The following FN3K variants were observed in gnomAD, a reference collection of about 807,000 sequenced individuals.
The protein encoded by FN3K is fructosamine-3-kinase.
In FN3K, 24 loss-of-function variants were observed where a neutral mutation model predicts 24.8. The observed-to-expected ratio is 0.97, with a 90% CI of 0.70 to 1.36. The LOEUF is 1.36. Among genes scored for constraint, FN3K ranks in the 40% most tolerant of loss-of-function variants. The pLI is 0.00. For synonymous variants in FN3K, 192 were observed against 175.2 expected (o/e 1.10, Z -0.76); for missense variants, 449 against 416.7 (o/e 1.08, Z -0.67).
At position 82,735,790 on chromosome 17, in the gene FN3K, G is replaced by C; in HGVS notation, c.141+13G>C. The C allele has an allele frequency of 1.3e-6, 2 of 1,555,186 alleles. No individual in the cohort carries two copies. Among genetic ancestry groups the C allele is most frequent in the African/African-American group, 1.4e-5 (1 of 73,860 alleles). The stretch of plus-strand genomic sequence containing the variant: ...CCGCAGGACGCAGGTGCTGGCCCGT[G>C]CGCAGGCGGGGGCTCTGCGGGTCTC... On this transcript the variant is annotated intron_variant, in intron 1 of 5. Transcript: ENST00000300784.
chr17:82,749,962 G>A (rs182920903), intron 5 of FN3K: 1 of 207,046 alleles, frequency 4.8e-6, no homozygotes, highest in East Asian at 1.3e-4. Context: ...GTAGGCTGAG[G>A]CAGGAGAATC....
intron 2 of FN3K, among the ~76,000 whole-genome samples, chr17:82,740,063 G>A (rs1437689391): frequency 6.6e-6 from 1 of 151,786 alleles, no homozygotes; most frequent in Non-Finnish European, 1.5e-5. Flanking sequence ...CACCATGCCT[G>A]GCTAATTTTT....
intron 4 of FN3K, among the ~76,000 whole-genome samples, chr17:82,746,399 A>T (rs1048209513): frequency 1.2e-4 from 18 of 150,492 alleles, no homozygotes; most frequent in Non-Finnish European, 2.1e-4. Context: ...TTTTTTTTTT[A>T]TTATTGAGTT....
chr17:82,750,473 G>T lies in FN3K; in HGVS notation c.648G>T (p.Gly216=), dbSNP rs768766566. Residue 216 remains glycine, a synonymous_variant, in exon 6 of 6, where the codon GGG becomes GGT. Transcript: ENST00000300784. ...AGATTGTCCCCGCGTTGCTCCACGG[G>T]GATCTCTGGTCGGGAAACGTGGCTG... ...GLEIVPALLH[G]DLWSGNVAED... 1.5e-5 allele frequency: 24 copies of T among 1,614,178 alleles called. No homozygotes were observed. Among genetic ancestry groups the T allele is most frequent in the Non-Finnish European group, 1.5e-5 (18 of 1,180,036 alleles).
intron 1 of FN3K, among the ~76,000 whole-genome samples, chr17:82,737,530 G>A (rs62076520): frequency 0.29 from 44,311 of 151,986 alleles, 7,351 homozygotes; most frequent in Admixed American, 0.37. Flanking sequence ...CACCGTGTTA[G>A]CCAGGATGGT....
At chr17:82,740,197 C>G (rs568549652) in intron 2 of FN3K, among the ~76,000 whole-genome samples, 89 of 152,290 alleles carry the variant, frequency 5.8e-4, no homozygotes, top group Admixed American at 1.7e-3. Context: ...CACTGTGCCA[C>G]TATGCTTGGC....
intron 1 of FN3K, chr17:82,738,185 C>T (rs2046915949): frequency 2.7e-6 from 1 of 371,310 alleles, no homozygotes; most frequent in South Asian, 3.3e-5. Context: ...GGTTCACTCA[C>T]ACCTCCCCAC....
chr17:82,741,752 G>C (rs2046942159), intron 4 of FN3K, among the ~76,000 whole-genome samples: 1 of 152,180 alleles, frequency 6.6e-6, no homozygotes, highest in African/African-American at 2.4e-5. Context: ...CTCTCCTGAG[G>C]CCTTTACAAA....
chr17:82,750,560 A>G lies in FN3K; in HGVS notation c.735A>G (p.Glu245=). 6 of 1,614,080 alleles carry G rather than the reference A, an allele frequency of 3.7e-6. No individual in the cohort carries two copies. The highest frequency in any genetic ancestry group is 5.1e-6 in the Non-Finnish European group (6 of 1,180,006). ...CCTTCTATGGCCATTCCGAGTTTGA[A>G]CTGGCAATCGCCTTGATGTTTGGGG... is the stretch of plus-strand genomic sequence containing the variant. ...PASFYGHSEF[E]LAIALMFGGF... The change falls in exon 6 of 6, where the codon GAA becomes GAG. Residue 245 remains glutamate (E), a synonymous_variant. Transcript: ENST00000300784.
At position 82,750,818 on chromosome 17, in the gene FN3K, CGTCCCCCGTCCCTGTGCCCCCGTCCCT is replaced by C; in HGVS notation, c.*71_*97del. Reference sequence around the variant, plus strand: ...CTCCGTCTCCCCGTCCCTGTCCCCCCGTCCCCCGTCCCTGTGCCCCCGTCCCTGTCCCCCTGTTCCCGTCTCCCCGTC... The same window carrying C: ...CTCCGTCTCCCCGTCCCTGTCCCCCCGTCCCCCTGTTCCCGTCTCCCCGTC... On this transcript the variant is annotated 3_prime_UTR_variant, in exon 6 of 6. Transcript: ENST00000300784. The C allele has an allele frequency of 7.5e-7, 1 of 1,335,724 alleles. No individual in the cohort carries two copies. Among genetic ancestry groups the C allele is most frequent in the East Asian group, 2.5e-5 (1 of 40,046 alleles). 82.7% of individuals were successfully genotyped at this position (1,335,724 alleles called of 1,614,324 possible).
chr17:82,735,908 A>G, intron 1 of FN3K, 131 bp downstream of exon 1: 1 of 1,233,456 alleles, frequency 8.1e-7, no homozygotes, highest in African/African-American at 1.5e-5. Flanking sequence ...GGGAGGTGGC[A>G]CCTGCTGGGT....
chr17:82,738,746 A>C (rs7216058), intron 2 of FN3K, 106 bp downstream of exon 2: 402,054 of 1,421,254 alleles, frequency 0.28, 58,403 homozygotes, highest in East Asian at 0.45. Context: ...AGGGAGACAG[A>C]AACAGGGAGA....
chr17:82,748,338 A>T (rs2249113), intron 4 of FN3K, among the ~76,000 whole-genome samples: 4 of 151,644 alleles, frequency 2.6e-5, no homozygotes, highest in Non-Finnish European at 5.9e-5. Flanking sequence ...GTAGAGATGG[A>T]GTTTCCTTAT....
In FN3K at chr17:82,750,790, CGTCTCCGTCTCCCCGTCCCT is replaced by C. The variant is rs754268675; in HGVS notation, c.*39_*58del. The C allele has an allele frequency of 6.8e-5, 105 of 1,546,414 alleles. No homozygotes were observed. Among genetic ancestry groups the C allele is most frequent in the Non-Finnish European group, 8.6e-5 (98 of 1,143,308 alleles). On this transcript the variant is annotated 3_prime_UTR_variant, in exon 6 of 6. Coordinates refer to ENST00000300784, the MANE Select transcript of FN3K (RefSeq NM_022158.4). Reference sequence around the variant, plus strand: ...CCCTCCCTTCCCCTGTCCCCGTCCCCGTCTCCGTCTCCCCGTCCCTGTCCCCCCGTCCCCCGTCCCTGTGC... The same window carrying C: ...CCCTCCCTTCCCCTGTCCCCGTCCCCGTCCCCCCGTCCCCCGTCCCTGTGC...
chr17:82,750,765 CCCTCCCTTCCCCTGT>C lies in FN3K; in HGVS notation c.*13_*27del. 1 of 1,603,028 alleles carries C rather than the reference CCCTCCCTTCCCCTGT, an allele frequency of 6.2e-7. No individual in the cohort carries two copies. Among genetic ancestry groups the C allele is most frequent in the Non-Finnish European group, 8.5e-7 (1 of 1,175,022 alleles). On this transcript the variant is annotated 3_prime_UTR_variant, in exon 6 of 6. Coordinates refer to ENST00000300784, the MANE Select transcript of FN3K (RefSeq NM_022158.4). ...AAGGCTGCTCAAGTAGCGGCCCCTG[CCCTCCCTTCCCCTGT>C]CCCCGTCCCCGTCTCCGTCTCCCCG...
In FN3K at chr17:82,750,739, G is replaced by A. The variant is rs781278651; in HGVS notation, c.914G>A (p.Arg305Gln). 6.8e-6 allele frequency: 11 copies of A among 1,612,778 alleles called. No individual in the cohort carries two copies. Among genetic ancestry groups the A allele is most frequent in the African/African-American group, 1.3e-5 (1 of 74,826 alleles). The stretch of plus-strand genomic sequence containing the variant: ...AGGAGCCCTTCCTTGGGCACCATGC[G>A]AAGGCTGCTCAAGTAGCGGCCCCTG... ...EYRSPSLGTMRRLLK is the reference protein window; with the variant it reads ...EYRSPSLGTMQRLLK Residue 305 changes from arginine to glutamine, a missense_variant, in exon 6 of 6, where the codon CGA (arginine) becomes CAA (glutamine). Transcript: ENST00000300784.
At chr17:82,748,376 G>A (rs2046980358) in intron 4 of FN3K, among the ~76,000 whole-genome samples, 1 of 151,956 alleles carries the variant, frequency 6.6e-6, no homozygotes, top group African/African-American at 2.4e-5. Flanking sequence ...TTAACTCCTG[G>A]GCTCAAGGGA....
chr17:82,747,222 T>A (rs1459240410), intron 4 of FN3K, among the ~76,000 whole-genome samples: 1 of 152,238 alleles, frequency 6.6e-6, no homozygotes, highest in Non-Finnish European at 1.5e-5. Context: ...TGTTTAGTGC[T>A]ACACATTTTC....
At chr17:82,743,046 C>T (rs190177285) in intron 4 of FN3K, among the ~76,000 whole-genome samples, 2 of 152,302 alleles carry the variant, frequency 1.3e-5, no homozygotes, top group Admixed American at 6.5e-5. Context: ...CCGAGACCCC[C>T]GAGATCTCAG....
Sources: gnomAD v4.1 joint callset for allele counts (sites outside exome capture counted in the v4.1 genomes callset) on GRCh38, gnomAD v4.1.1 for gene constraint, MANE v1.5 for transcripts, NCBI Gene and HGNC (gene_info 2026-07-23, HGNC 2026-07-21) for gene names.